TRAPPC9: variants seen among roughly 807,000 people sequenced by gnomAD.
TRAPPC9 encodes the protein trafficking protein particle complex subunit 9, also known as IKK2 binding protein.
In TRAPPC9, 83 loss-of-function variants were observed where a neutral mutation model predicts 124.0. The ratio of observed to expected loss-of-function variants is 0.67; its 90% CI spans 0.56 to 0.80. TRAPPC9 has a LOEUF of 0.80. Ranked by LOEUF, TRAPPC9 falls within the 30% of genes least tolerant of loss-of-function variation. The probability of loss-of-function intolerance (pLI) is 0.00; values close to 1 mark genes in which losing one functional copy is unlikely to be tolerated. For missense variants in TRAPPC9, 1,302 were observed against 1,508.3 expected (o/e 0.86, Z 2.27); for synonymous variants, 638 against 617.5 (o/e 1.03, Z -0.49).
At chr8:139,767,296 C>A (rs1014743597) in intron 21 of TRAPPC9, among the ~76,000 whole-genome samples, 1 of 152,208 alleles carries the variant, frequency 6.6e-6, no homozygotes, top group Admixed American at 6.5e-5. Flanking sequence ...CTTGCTTTTC[C>A]CACTCTGCCT....
intron 21 of TRAPPC9, among the ~76,000 whole-genome samples, chr8:139,873,548 G>T (rs1296454309): frequency 6.6e-6 from 1 of 152,142 alleles, no homozygotes; most frequent in Non-Finnish European, 1.5e-5. Context: ...AAGCCAGGCA[G>T]AGCACCTCCT....
intron 4 of TRAPPC9, among the ~76,000 whole-genome samples, chr8:140,433,901 C>G (rs1412437515): frequency 6.6e-6 from 1 of 152,220 alleles, no homozygotes; most frequent in Non-Finnish European, 1.5e-5. Context: ...TTGACCTTTT[C>G]TGCATGGCAG....
chr8:140,344,551 C>A (rs1287984757), intron 9 of TRAPPC9, among the ~76,000 whole-genome samples: 1 of 152,138 alleles, frequency 6.6e-6, no homozygotes, highest in African/African-American at 2.4e-5. Flanking sequence ...ATGGTAGCGC[C>A]AGGCAGAGAA....
intron 21 of TRAPPC9, among the ~76,000 whole-genome samples, chr8:139,769,762 A>T (rs1820824237): frequency 6.6e-6 from 1 of 152,260 alleles, no homozygotes; most frequent in Admixed American, 6.5e-5. Context: ...GGAAGAACTA[A>T]TATTCACTAA....
At chr8:140,443,410 T>C (rs1230812456) in intron 2 of TRAPPC9, among the ~76,000 whole-genome samples, 2 of 150,502 alleles carry the variant, frequency 1.3e-5, no homozygotes, top group African/African-American at 4.9e-5. Flanking sequence ...CACTCCAGCG[T>C]GGGCGACAGA....
Position 139,955,840 on chromosome 8 carries a change from C to A in TRAPPC9, c.2810+32886G>T, listed in dbSNP as rs1243395451. On this transcript the variant is annotated intron_variant, in intron 19 of 22. Coordinates refer to ENST00000438773, the MANE Select transcript of TRAPPC9 (RefSeq NM_001160372.4). Reference sequence around the variant, plus strand: ...CAAATAGGTCCCAGGGGCTTCTTTCCAAGAGAAACTGAAAGCTCTGCAGCG... The same window carrying A: ...CAAATAGGTCCCAGGGGCTTCTTTCAAAGAGAAACTGAAAGCTCTGCAGCG... Among the ~76,000 whole-genome samples, 20 of 152,318 alleles carry A rather than the reference C, an allele frequency of 1.3e-4. No individual in the cohort carries two copies. The East Asian group carries it at 3.1e-3, about 24-fold the overall frequency.
At chr8:140,286,896 G>A (rs568554982) in intron 13 of TRAPPC9, among the ~76,000 whole-genome samples, 3 of 152,124 alleles carry the variant, frequency 2.0e-5, no homozygotes, top group African/African-American at 7.2e-5. Context: ...CAGGGCCAGG[G>A]AACACAGGGC....
At chr8:140,253,516 A>G (rs1370240962) in intron 15 of TRAPPC9, among the ~76,000 whole-genome samples, 2 of 152,056 alleles carry the variant, frequency 1.3e-5, no homozygotes, top group African/African-American at 4.8e-5. Flanking sequence ...CATCTCTACA[A>G]AAAAATACAA....
chr8:140,134,842 T>G (rs55688253), intron 17 of TRAPPC9, among the ~76,000 whole-genome samples: 5,575 of 152,252 alleles, frequency 0.037, 120 homozygotes, highest in African/African-American at 0.064. Flanking sequence ...AATTTCAAAC[T>G]TTGGTGAATC....
At chr8:140,155,141 C>T (rs537094206) in intron 17 of TRAPPC9, among the ~76,000 whole-genome samples, 3 of 152,264 alleles carry the variant, frequency 2.0e-5, no homozygotes, top group Non-Finnish European at 4.4e-5. Flanking sequence ...CAAGTTAAAA[C>T]GACAAAAGGT....
intron 21 of TRAPPC9, among the ~76,000 whole-genome samples, chr8:139,775,606 C>T (rs1018476342): frequency 1.3e-5 from 2 of 152,184 alleles, no homozygotes; most frequent in Admixed American, 1.3e-4. Context: ...GTCCCGAGGA[C>T]ATCTGAGGCC....
chr8:140,359,070 T>A (rs73372884), intron 9 of TRAPPC9, among the ~76,000 whole-genome samples: 14,185 of 152,128 alleles, frequency 0.093, 1,851 homozygotes, highest in African/African-American at 0.29. Context: ...GGGAGGAGAA[T>A]GGCCCGGCCC....
At chr8:139,760,923 G>T (rs1820178358) in intron 21 of TRAPPC9, among the ~76,000 whole-genome samples, 1 of 152,168 alleles carries the variant, frequency 6.6e-6, no homozygotes. Context: ...TTTGGGTGGG[G>T]ACACAGAGCC....
intron 21 of TRAPPC9, among the ~76,000 whole-genome samples, chr8:139,849,321 A>T (rs961912775): frequency 6.6e-6 from 1 of 152,176 alleles, no homozygotes; most frequent in African/African-American, 2.4e-5. Context: ...AGCATCTCCA[A>T]TCATTTGCCA....
intron 7 of TRAPPC9, among the ~76,000 whole-genome samples, chr8:140,382,021 A>C (rs1253223374): frequency 3.3e-5 from 5 of 152,260 alleles, no homozygotes; most frequent in African/African-American, 9.6e-5. Context: ...ATACATGTAC[A>C]TGAGTGTTCA....
intron 19 of TRAPPC9, among the ~76,000 whole-genome samples, chr8:139,944,972 A>G (rs949948430): frequency 3.3e-5 from 5 of 152,096 alleles, no homozygotes; most frequent in African/African-American, 1.2e-4. Context: ...AAAATACAAA[A>G]AATTAGCTGG....
chr8:140,426,850 C>T (rs2070441449), intron 4 of TRAPPC9, among the ~76,000 whole-genome samples: 1 of 151,914 alleles, frequency 6.6e-6, no homozygotes, highest in Admixed American at 6.6e-5. Context: ...TACTATTACT[C>T]ATACCCTAAA....
intron 17 of TRAPPC9, among the ~76,000 whole-genome samples, chr8:140,102,658 G>T (rs191504051): frequency 1.0e-3 from 158 of 152,338 alleles, no homozygotes; most frequent in African/African-American, 3.7e-3. Context: ...CTTCTGATTA[G>T]AGTAGGTTGA....
intron 9 of TRAPPC9, among the ~76,000 whole-genome samples, chr8:140,350,136 C>T (rs1263823166): frequency 6.6e-6 from 1 of 152,222 alleles, no homozygotes; most frequent in Non-Finnish European, 1.5e-5. Context: ...TTCCAGCAAA[C>T]ATGCCCACTA....
Sources: gnomAD v4.1 joint callset for allele counts (sites outside exome capture counted in the v4.1 genomes callset) on GRCh38, gnomAD v4.1.1 for gene constraint, MANE v1.5 for transcripts, NCBI Gene and HGNC (gene_info 2026-07-23, HGNC 2026-07-21) for gene names.